Variants in HTR1F observed in about 807,000 individuals in gnomAD.
HTR1F encodes the protein 5-hydroxytryptamine (serotonin) receptor 1F, G protein-coupled.
Under a neutral mutation model 24.0 loss-of-function variants are expected in HTR1F, and 17 were observed. The ratio of observed to expected loss-of-function variants is 0.71; its 90% CI spans 0.48 to 1.06. The LOEUF is 1.06. Among genes scored for constraint, HTR1F ranks in the 50% least tolerant of loss-of-function variants. The pLI is 0.00. For synonymous variants in HTR1F, 186 were observed against 156.8 expected (o/e 1.19, Z -1.39); for missense variants, 391 against 427.8 (o/e 0.91, Z 0.76).
intron 2 of HTR1F, among the ~76,000 whole-genome samples, chr3:87,944,693 G>A (rs1704652649): frequency 6.6e-6 from 1 of 152,228 alleles, no homozygotes; most frequent in Admixed American, 6.5e-5. Context: ...CTATCTTTGT[G>A]CTTTTTTTGA....
At chr3:87,918,362 C>G (rs781029336) in intron 2 of HTR1F, among the ~76,000 whole-genome samples, 28 of 152,030 alleles carry the variant, frequency 1.8e-4, no homozygotes, top group Non-Finnish European at 3.4e-4. Flanking sequence ...ACTGGAAGTC[C>G]TAGCCAGAGC....
rs1466134391 is a variant in HTR1F, at chr3:87,913,565, C to T, written c.-42-77143C>T. Among the ~76,000 whole-genome samples the T allele has an allele frequency of 5.3e-5, 8 of 152,284 alleles. No homozygotes were observed. In the South Asian group the frequency reaches 1.2e-3, roughly 24 times the overall value. ...AAAATAGAAATACCATTTGACCCAG[C>T]AATCCCATTACTGGATATATACCCA... On this transcript the variant is annotated intron_variant, in intron 2 of 2. Coordinates refer to ENST00000319595, the MANE Select transcript of HTR1F (RefSeq NM_001322209.2).
intron 2 of HTR1F, among the ~76,000 whole-genome samples, chr3:87,933,955 G>T (rs573691970): frequency 6.6e-6 from 1 of 152,082 alleles, no homozygotes; most frequent in Non-Finnish European, 1.5e-5. Context: ...TATTCCATTG[G>T]CATCATTTTC....
chr3:87,937,901 G>T (rs1178633219), intron 2 of HTR1F, among the ~76,000 whole-genome samples: 2 of 149,572 alleles, frequency 1.3e-5, no homozygotes, highest in African/African-American at 2.5e-5. Context: ...TCCAGCTTGG[G>T]CAATAGAGCG....
At chr3:87,976,367 C>T (rs1398211960) in intron 2 of HTR1F, among the ~76,000 whole-genome samples, 1 of 151,966 alleles carries the variant, frequency 6.6e-6, no homozygotes, top group African/African-American at 2.4e-5. Flanking sequence ...GCCAGCTTAG[C>T]TTGATTAACT....
intron 2 of HTR1F, among the ~76,000 whole-genome samples, chr3:87,917,459 T>TTGTTAGCAAGAC (rs1264637981): frequency 6.7e-6 from 1 of 149,538 alleles, no homozygotes. Flanking sequence ...AATTGATAGA[T>TTGTTAGCAAGAC]TGTTAGCAAG....
chr3:87,805,045 C>G (rs577036914), intron 1 of HTR1F, among the ~76,000 whole-genome samples: 1 of 152,038 alleles, frequency 6.6e-6, no homozygotes, highest in Non-Finnish European at 1.5e-5. Flanking sequence ...GTCATTCTAT[C>G]CCCACTGTTA....
rs550155789 is a variant in HTR1F, at chr3:87,965,858, T to C, written c.-42-24850T>C. Among the ~76,000 whole-genome samples, 4 of 152,332 alleles carry C rather than the reference T, an allele frequency of 2.6e-5. No homozygotes were observed. In the East Asian group the frequency reaches 7.7e-4, roughly 29 times the overall value. On this transcript the variant is annotated intron_variant, in intron 2 of 2. Transcript: ENST00000319595. ...TGACTAAGGCTGTTTATACCCGGAT[T>C]AGAGCCACATCAGCTGAAACTAACA...
At chr3:87,983,143 G>A (rs1705588592) in intron 2 of HTR1F, among the ~76,000 whole-genome samples, 1 of 152,124 alleles carries the variant, frequency 6.6e-6, no homozygotes, top group Non-Finnish European at 1.5e-5. Context: ...CCCTAAGTTG[G>A]ACATGGACAG....
intron 1 of HTR1F, among the ~76,000 whole-genome samples, chr3:87,800,820 G>A (rs576330766): frequency 7.2e-5 from 11 of 152,284 alleles, no homozygotes; most frequent in African/African-American, 2.2e-4. Flanking sequence ...TTGGTACTCT[G>A]TCTATGGCAT....
In HTR1F at chr3:87,883,792, G is replaced by GA. The variant is rs1164945236; in HGVS notation, c.-43+61674dup. On this transcript the variant is annotated intron_variant, in intron 2 of 2. Transcript: ENST00000319595. The stretch of plus-strand genomic sequence containing the variant: ...AATAAAGCAAGAAGACAAGTTTAGA[G>GA]AAAAAAGAGTAAAAAGAAATGAACA... Among the ~76,000 whole-genome samples, 9 of 152,044 alleles carry GA rather than the reference G, an allele frequency of 5.9e-5. No homozygotes were observed. The East Asian group carries it at 7.7e-4, about 13-fold the overall frequency.
chr3:87,793,419 T>G (rs1258466055), intron 1 of HTR1F: 1 of 151,832 alleles, frequency 6.6e-6, no homozygotes, highest in Non-Finnish European at 1.5e-5. Flanking sequence ...GTACGAACCA[T>G]TAAGGTAAAA....
intron 2 of HTR1F, among the ~76,000 whole-genome samples, chr3:87,845,657 C>G (rs372929774): frequency 6.6e-6 from 1 of 151,508 alleles, no homozygotes; most frequent in Non-Finnish European, 1.5e-5. Context: ...GGCCATACTG[C>G]CCAAGGTAAT....
chr3:87,832,640 C>T (rs557387161), intron 2 of HTR1F, among the ~76,000 whole-genome samples: 1 of 152,124 alleles, frequency 6.6e-6, no homozygotes, highest in African/African-American at 2.4e-5. Context: ...AATACCCCTT[C>T]TTGTAAGAAT....
At chr3:87,812,008 C>T (rs1704168444) in intron 1 of HTR1F, among the ~76,000 whole-genome samples, 3 of 152,128 alleles carry the variant, frequency 2.0e-5, no homozygotes, top group Admixed American at 2.0e-4. Context: ...ATGCTTGCTT[C>T]CCCTTCTGCC....
intron 2 of HTR1F, among the ~76,000 whole-genome samples, chr3:87,918,449 T>C (rs962801948): frequency 7.2e-5 from 11 of 152,046 alleles, no homozygotes; most frequent in Admixed American, 2.0e-4. Context: ...TGTTTGCTGA[T>C]GATTTGATCA....
intron 2 of HTR1F, among the ~76,000 whole-genome samples, chr3:87,828,112 T>C (rs1327693228): frequency 6.6e-6 from 1 of 152,228 alleles, no homozygotes; most frequent in East Asian, 1.9e-4. Context: ...GATGTGTTTA[T>C]ATTATTTATT....
chr3:87,869,390 C>CAGATAGATAGAT (rs4038035), intron 2 of HTR1F, among the ~76,000 whole-genome samples: 6 of 124,460 alleles, frequency 4.8e-5, no homozygotes, highest in Non-Finnish European at 9.8e-5. Flanking sequence ...GATAGACAAA[C>CAGATAGATAGAT]AGATAGATAG....
intron 2 of HTR1F, among the ~76,000 whole-genome samples, chr3:87,850,867 A>T (rs1182809481): frequency 6.6e-6 from 1 of 150,792 alleles, no homozygotes; most frequent in African/African-American, 2.4e-5. Flanking sequence ...AGCAACAGGT[A>T]TTGCTCTCTT....
Sources: gnomAD v4.1 joint callset for allele counts (sites outside exome capture counted in the v4.1 genomes callset) on GRCh38, gnomAD v4.1.1 for gene constraint, MANE v1.5 for transcripts, NCBI Gene and HGNC (gene_info 2026-07-23, HGNC 2026-07-21) for gene names.